GPR141: variants seen among roughly 807,000 people sequenced by gnomAD.
GPR141 encodes probable G protein-coupled receptor 141.
Under a neutral mutation model 6.8 loss-of-function variants are expected in GPR141, and 6 were observed. The ratio of observed to expected loss-of-function variants is 0.88; its 90% CI spans 0.48 to 1.74. GPR141 has a LOEUF of 1.74. Ranked by LOEUF, GPR141 falls within the 40% of genes most tolerant of loss-of-function variation. GPR141 has a pLI of 0.01. For synonymous variants in GPR141, 140 were observed against 142.3 expected (o/e 0.98, Z 0.11); for missense variants, 372 against 372.9 (o/e 1.00, Z 0.02).
chr7:37,733,833 TAGA>T, intron 2 of GPR141, among the ~76,000 whole-genome samples: 1 of 152,318 alleles, frequency 6.6e-6, no homozygotes, highest in East Asian at 1.9e-4. Flanking sequence ...AAAATATTCC[TAGA>T]AGATTTTTTC....
intron 2 of GPR141, among the ~76,000 whole-genome samples, chr7:37,697,775 T>G (rs1487274229): frequency 6.6e-6 from 1 of 152,204 alleles, no homozygotes; most frequent in East Asian, 1.9e-4. Context: ...TCTCCACAAA[T>G]TCTAATCCAG....
At chr7:37,714,556 G>C (rs772558467) in intron 2 of GPR141, among the ~76,000 whole-genome samples, 12 of 152,182 alleles carry the variant, frequency 7.9e-5, no homozygotes, top group Non-Finnish European at 1.3e-4. Context: ...CTTGTTACTA[G>C]TGGTCGTTTA....
At chr7:37,695,773 T>G (rs1165586932) in intron 2 of GPR141, among the ~76,000 whole-genome samples, 1 of 152,238 alleles carries the variant, frequency 6.6e-6, no homozygotes, top group Non-Finnish European at 1.5e-5. Flanking sequence ...TTTCTGTCAC[T>G]CAGCTATACT....
chr7:37,692,001 T>C (rs1011319953), intron 2 of GPR141, among the ~76,000 whole-genome samples: 8 of 152,218 alleles, frequency 5.3e-5, no homozygotes, highest in Non-Finnish European at 1.0e-4. Flanking sequence ...TGTTTTTCTT[T>C]CTTTTTTTAT....
intron 2 of GPR141, among the ~76,000 whole-genome samples, chr7:37,707,648 T>C (rs1810584596): frequency 1.3e-5 from 2 of 152,306 alleles, no homozygotes; most frequent in South Asian, 4.1e-4. Flanking sequence ...AAATAAATTA[T>C]GGAGACATTA....
chr7:37,740,581 G>A lies in GPR141; in HGVS notation c.188G>A (p.Ser63Asn), dbSNP rs372117075. ...GTCATTAACTTGGTGGTGGTCCACA[G>A]CGTTTTTCTGCTGACAGTGCCATTT... ...MAVINLVVVH[S>N]VFLLTVPFRL... Residue 63 changes from serine to asparagine, a missense_variant, in exon 3 of 3, where the codon AGC (serine) becomes AAC (asparagine). Transcript: ENST00000334425. 2.5e-6 allele frequency: 4 copies of A among 1,613,990 alleles called. No homozygotes were observed. The African/African-American group carries it at 5.3e-5, about 22-fold the overall frequency.
chr7:37,706,075 A>C (rs6970978), intron 2 of GPR141, among the ~76,000 whole-genome samples: 51,874 of 152,066 alleles, frequency 0.34, 9,033 homozygotes, highest in Middle Eastern at 0.39. Flanking sequence ...AAGAAGCCTG[A>C]GACCCACTGG....
chr7:37,740,227 A>G (rs1342961149), intron 2 of GPR141, among the ~76,000 whole-genome samples, 153 bp from the exon 3 acceptor site: 1 of 152,206 alleles, frequency 6.6e-6, no homozygotes, highest in Non-Finnish European at 1.5e-5. Flanking sequence ...AGGGTATGCA[A>G]ACATTCATAG....
chr7:37,712,471 G>C (rs1810847446), intron 2 of GPR141, among the ~76,000 whole-genome samples: 1 of 152,098 alleles, frequency 6.6e-6, no homozygotes, highest in Non-Finnish European at 1.5e-5. Context: ...ACTGAATATT[G>C]CTTCTGTTTG....
At chr7:37,693,176 TG>T (rs1240292973) in intron 2 of GPR141, among the ~76,000 whole-genome samples, 2 of 152,242 alleles carry the variant, frequency 1.3e-5, no homozygotes, top group Non-Finnish European at 2.9e-5. Flanking sequence ...AGTTAATTTT[TG>T]TATAAGGTGT....
chr7:37,701,682 T>A (rs1295285911), intron 2 of GPR141, among the ~76,000 whole-genome samples: 1 of 152,208 alleles, frequency 6.6e-6, no homozygotes, highest in East Asian at 1.9e-4. Context: ...CTCTGAGTTT[T>A]CATGTGGAGA....
intron 2 of GPR141, among the ~76,000 whole-genome samples, chr7:37,708,233 C>G (rs1344501953): frequency 2.8e-5 from 1 of 36,150 alleles, no homozygotes. Context: ...TCATTGAGCT[C>G]AGCTCAGAAT....
At chr7:37,717,215 C>T (rs1288523123) in intron 2 of GPR141, among the ~76,000 whole-genome samples, 1 of 152,214 alleles carries the variant, frequency 6.6e-6, no homozygotes, top group East Asian at 1.9e-4. Context: ...AGAAAATATG[C>T]ATGAGGGCTT....
At chr7:37,689,703 C>T (rs1320964971) in intron 2 of GPR141, among the ~76,000 whole-genome samples, 3 of 151,800 alleles carry the variant, frequency 2.0e-5, no homozygotes, top group Admixed American at 1.3e-4. Flanking sequence ...TGGTAGTCTT[C>T]AGTGATCCTT....
chr7:37,691,497 G>A (rs1487730813), intron 2 of GPR141, among the ~76,000 whole-genome samples: 1 of 151,830 alleles, frequency 6.6e-6, no homozygotes, highest in Admixed American at 6.6e-5. Context: ...TTGTTTTATT[G>A]TAGTTTTGTA....
chr7:37,714,899 G>T (rs1810974721), intron 2 of GPR141, among the ~76,000 whole-genome samples: 2 of 152,154 alleles, frequency 1.3e-5, no homozygotes, highest in South Asian at 4.1e-4. Context: ...AACCCTATGA[G>T]TCCTGATTTG....
intron 2 of GPR141, among the ~76,000 whole-genome samples, chr7:37,713,000 A>G (rs764392563): frequency 1.4e-4 from 21 of 152,216 alleles, no homozygotes; most frequent in Non-Finnish European, 3.1e-4. Context: ...TGGTAATGAT[A>G]GAGGCATAGG....
chr7:37,699,083 T>G (rs1283300075), intron 2 of GPR141, among the ~76,000 whole-genome samples: 1 of 152,224 alleles, frequency 6.6e-6, no homozygotes, highest in Non-Finnish European at 1.5e-5. Context: ...GCCTGTCTGT[T>G]GAAATGGCCT....
At chr7:37,718,524 AAAGGAAGGAAGG>A (rs746595368) in intron 2 of GPR141, among the ~76,000 whole-genome samples, 2 of 55,366 alleles carry the variant, frequency 3.6e-5, no homozygotes, top group South Asian at 9.4e-4. Flanking sequence ...AGGAAGGAAG[AAAGGAAGGAAGG>A]AAGGAAGGAA....
Sources: allele counts gnomAD v4.1 joint callset (sites outside exome capture counted in the v4.1 genomes callset), GRCh38; gene constraint gnomAD v4.1.1; transcripts MANE v1.5; gene names NCBI Gene and HGNC (gene_info 2026-07-23, HGNC 2026-07-21).